The following ARHGAP15 variants were observed in gnomAD, a reference collection of about 807,000 sequenced individuals.
The protein encoded by ARHGAP15 is rho GTPase-activating protein 15.
Under a neutral mutation model 63.7 loss-of-function variants are expected in ARHGAP15, and 51 were observed. That is an observed-to-expected ratio of 0.80 (90% CI 0.64 to 1.01). ARHGAP15 has a LOEUF of 1.01. Among genes scored for constraint, ARHGAP15 ranks in the 50% least tolerant of loss-of-function variants. The pLI is 0.00. For synonymous variants in ARHGAP15, 191 were observed against 193.8 expected (o/e 0.99, Z 0.12); for missense variants, 560 against 564.6 (o/e 0.99, Z 0.08).
At chr2:143,458,771 C>A (rs1156909043) in intron 8 of ARHGAP15, among the ~76,000 whole-genome samples, 1 of 152,152 alleles carries the variant, frequency 6.6e-6, no homozygotes. Context: ...GCTGTTTTGA[C>A]ATTTTCATAG....
chr2:143,505,547 G>C (rs1255042374), intron 9 of ARHGAP15, among the ~76,000 whole-genome samples: 1 of 152,146 alleles, frequency 6.6e-6, no homozygotes. Context: ...ACTAATTTGG[G>C]CTCATAACTA....
chr2:143,302,676 C>A (rs1359865030), intron 6 of ARHGAP15, among the ~76,000 whole-genome samples: 1 of 151,920 alleles, frequency 6.6e-6, no homozygotes, highest in Non-Finnish European at 1.5e-5. Flanking sequence ...CCACCCCCGC[C>A]CATTAGAAAG....
At chr2:143,291,851 C>A (rs534542058) in intron 6 of ARHGAP15, among the ~76,000 whole-genome samples, 4 of 152,226 alleles carry the variant, frequency 2.6e-5, no homozygotes, top group African/African-American at 7.2e-5. Context: ...AAAGAAAATT[C>A]TTGGTAAAGA....
intron 6 of ARHGAP15, among the ~76,000 whole-genome samples, chr2:143,418,677 G>A (rs1479144750): frequency 6.6e-6 from 1 of 152,008 alleles, no homozygotes; most frequent in African/African-American, 2.4e-5. Context: ...GCTTACAATG[G>A]AAAAATTAAA....
At chr2:143,309,300 C>A (rs530055592) in intron 6 of ARHGAP15, among the ~76,000 whole-genome samples, 79 of 152,188 alleles carry the variant, frequency 5.2e-4, no homozygotes, top group African/African-American at 1.9e-3. Flanking sequence ...TATACAGATA[C>A]CATTTGCAGC....
intron 6 of ARHGAP15, among the ~76,000 whole-genome samples, chr2:143,358,539 A>G (rs1685902117): frequency 6.6e-6 from 1 of 151,834 alleles, no homozygotes; most frequent in South Asian, 2.1e-4. Flanking sequence ...AAGTAAAAAA[A>G]AAAGAGGAAG....
chr2:143,558,750 A>G (rs917178591), intron 11 of ARHGAP15, among the ~76,000 whole-genome samples: 9 of 152,182 alleles, frequency 5.9e-5, no homozygotes, highest in Non-Finnish European at 1.0e-4. Context: ...TGTTGCAGGT[A>G]AGAGAAGTAT....
At chr2:143,316,983 T>C (rs1409236227) in intron 6 of ARHGAP15, among the ~76,000 whole-genome samples, 1 of 152,174 alleles carries the variant, frequency 6.6e-6, no homozygotes, top group Non-Finnish European at 1.5e-5. Context: ...GCTCAAATGG[T>C]AGTGCCTCAA....
At chr2:143,249,922 G>A (rs940223523) in intron 5 of ARHGAP15, among the ~76,000 whole-genome samples, 1 of 152,022 alleles carries the variant, frequency 6.6e-6, no homozygotes, top group Non-Finnish European at 1.5e-5. Flanking sequence ...AAAAGGCATA[G>A]TTGACACTTA....
rs528652989 is a variant in ARHGAP15 at position 143,334,277 on chromosome 2, T to C, written c.474+83677T>C. 3.9e-5 allele frequency among the ~76,000 whole-genome samples: 6 copies of C among 152,308 alleles called. No individual in the cohort carries two copies. The South Asian group carries it at 1.2e-3, about 32-fold the overall frequency. Reference sequence around the variant, plus strand: ...TTTTTTGTTTGGTTCTAATTTGTTTTGCAGTCTAAATAAGAAGCACCAATA... The same window carrying C: ...TTTTTTGTTTGGTTCTAATTTGTTTCGCAGTCTAAATAAGAAGCACCAATA... On this transcript the variant is annotated intron_variant, in intron 6 of 13. Transcript: ENST00000295095.
At chr2:143,215,703 A>T (rs887762700) in intron 3 of ARHGAP15, among the ~76,000 whole-genome samples, 10 of 152,192 alleles carry the variant, frequency 6.6e-5, no homozygotes, top group African/African-American at 1.9e-4. Flanking sequence ...CACAATTTGC[A>T]TTGTGCATTT....
At chr2:143,537,678 C>G (rs913580355) in intron 10 of ARHGAP15, among the ~76,000 whole-genome samples, 2 of 152,188 alleles carry the variant, frequency 1.3e-5, no homozygotes, top group African/African-American at 4.8e-5. Flanking sequence ...TGTCAAAGAT[C>G]AGATGGCTGT....
intron 6 of ARHGAP15, among the ~76,000 whole-genome samples, chr2:143,433,155 A>C (rs780575921): frequency 2.6e-5 from 4 of 152,088 alleles, no homozygotes; most frequent in Non-Finnish European, 1.5e-5. Context: ...TCAGCAAACC[A>C]TTTATCAGAA....
At chr2:143,744,344 A>G (rs528494895) in intron 13 of ARHGAP15, among the ~76,000 whole-genome samples, 9 of 152,210 alleles carry the variant, frequency 5.9e-5, no homozygotes, top group Non-Finnish European at 1.3e-4. Flanking sequence ...GGTTTTCCTT[A>G]TGGTCATCAG....
intron 12 of ARHGAP15, among the ~76,000 whole-genome samples, chr2:143,692,670 A>G (rs1442213239): frequency 1.3e-5 from 2 of 152,206 alleles, no homozygotes; most frequent in African/African-American, 2.4e-5. Flanking sequence ...ACCATTTTAC[A>G]ATGAAATTTT....
At chr2:143,168,881 A>G (rs936019144) in intron 2 of ARHGAP15, among the ~76,000 whole-genome samples, 2 of 152,052 alleles carry the variant, frequency 1.3e-5, no homozygotes, top group African/African-American at 4.8e-5. Flanking sequence ...ACATCCATTA[A>G]GAAATGAAAC....
intron 11 of ARHGAP15, among the ~76,000 whole-genome samples, chr2:143,591,893 T>C (rs1454021385): frequency 2.0e-5 from 3 of 151,766 alleles, no homozygotes; most frequent in African/African-American, 7.3e-5. Context: ...GTGCTGGGAT[T>C]AGAGGTGTGA....
intron 13 of ARHGAP15, among the ~76,000 whole-genome samples, chr2:143,727,323 T>C (rs892673318): frequency 1.3e-5 from 2 of 151,594 alleles, no homozygotes; most frequent in Non-Finnish European, 2.9e-5. Flanking sequence ...ATAAACAGAG[T>C]TTTATAGATA....
chr2:143,437,007 T>C lies in ARHGAP15; in HGVS notation c.668T>C (p.Ile223Thr), dbSNP rs1186059009. 5 of 1,604,934 alleles carry C rather than the reference T, an allele frequency of 3.1e-6. No homozygotes were observed. Among genetic ancestry groups the C allele is most frequent in the African/African-American group, 1.3e-5 (1 of 74,414 alleles). ...TTGCTAAGTCACTACGACAGTGATA[T>C]AAAAGAACAGAAACCAGAGCACAGA... ...TELLSHYDSD[I>T]KEQKPEHRKS... The change falls in exon 8 of 14, where the codon ATA (isoleucine) becomes ACA (threonine). Residue 223 changes from isoleucine to threonine, a missense_variant. Physicochemically the swap from Ile to Thr is moderately conservative, Grantham distance 89. Coordinates refer to ENST00000295095, the MANE Select transcript of ARHGAP15 (RefSeq NM_018460.4).
Sources: allele counts gnomAD v4.1 joint callset (sites outside exome capture counted in the v4.1 genomes callset), GRCh38; gene constraint gnomAD v4.1.1; transcripts MANE v1.5; gene names NCBI Gene and HGNC (gene_info 2026-07-23, HGNC 2026-07-21).